RBBP4: variants seen among roughly 807,000 people sequenced by gnomAD.
The protein encoded by RBBP4 is histone-binding protein RBBP4.
RBBP4 carries 3 observed loss-of-function variants against 57.2 expected under a neutral mutation model. That is an observed-to-expected ratio of 0.05 (90% CI 0.02 to 0.14). The LOEUF (loss-of-function observed/expected upper bound fraction) is 0.14. RBBP4 is among the 10% of genes least tolerant of loss of function. RBBP4 has a pLI of 1.00. For missense variants in RBBP4, 107 were observed against 520.6 expected (o/e 0.21, Z 7.73); for synonymous variants, 151 against 171.5 (o/e 0.88, Z 0.93).
rs943987420 is a variant in RBBP4, at chr1:32,681,742, G to A, written c.*2037G>A. The A allele has an allele frequency of 1.3e-6, 2 of 1,583,358 alleles. No homozygotes were observed. Among genetic ancestry groups the A allele is most frequent in the East Asian group, 4.5e-5 (2 of 44,682 alleles). On this transcript the variant is annotated 3_prime_UTR_variant, in exon 12 of 12. Transcript: ENST00000373493. ...TTCCACAGGATGAATTGCTTGCCAA[G>A]TTTCTGGCACTCTTGTCTGGTTGGA...
intron 2 of RBBP4, among the ~76,000 whole-genome samples, chr1:32,653,970 TATC>T (rs1648026687): frequency 6.6e-6 from 1 of 152,090 alleles, no homozygotes; most frequent in Non-Finnish European, 1.5e-5. Context: ...GAAGCTTCTT[TATC>T]ATGACCAGGA....
At chr1:32,675,243 T>G (rs1649049221) in intron 11 of RBBP4, among the ~76,000 whole-genome samples, 1 of 151,252 alleles carries the variant, frequency 6.6e-6, no homozygotes, top group African/African-American at 2.4e-5. Flanking sequence ...TCCATGTTGG[T>G]CAGGCTGGCC....
chr1:32,651,306 C>T lies in RBBP4; in HGVS notation c.-1C>T. 3 of 1,473,682 alleles carry T rather than the reference C, an allele frequency of 2.0e-6. No individual in the cohort carries two copies. Among genetic ancestry groups the T allele is most frequent in the South Asian group, 1.3e-5 (1 of 75,018 alleles). 91.3% of individuals were successfully genotyped at this position (1,473,682 alleles called of 1,614,324 possible). On this transcript the variant is annotated 5_prime_UTR_variant, in exon 1 of 12. Coordinates refer to ENST00000373493, the MANE Select transcript of RBBP4 (RefSeq NM_005610.3). Reference sequence around the variant, plus strand: ...GGATTCCCCCGGCTCGCCTGCCCGCCATGGCCGACAAGGAAGGTGAGGGTG... The same window carrying T: ...GGATTCCCCCGGCTCGCCTGCCCGCTATGGCCGACAAGGAAGGTGAGGGTG...
chr1:32,658,749 T>C (rs987078593), intron 3 of RBBP4, among the ~76,000 whole-genome samples: 5 of 151,904 alleles, frequency 3.3e-5, no homozygotes, highest in Middle Eastern at 3.4e-3. Flanking sequence ...GGTTTCATCA[T>C]GTTGGTCAGG....
At position 32,685,698 on chromosome 1, in the gene RBBP4, G is replaced by C. The variant is rs1192507045; in HGVS notation, c.*5993G>C. 6.6e-6 allele frequency: 1 copy of C among 152,142 alleles called. No homozygotes were observed. Among genetic ancestry groups the C allele is most frequent in the Non-Finnish European group, 1.5e-5 (1 of 68,038 alleles). 9.4% of individuals were successfully genotyped at this position (152,142 alleles called of 1,614,324 possible). A position where few individuals can be genotyped will look rare whatever the true frequency, so the allele number is the denominator to read the frequency against. On this transcript the variant is annotated 3_prime_UTR_variant, in exon 12 of 12. Coordinates refer to ENST00000373493, the MANE Select transcript of RBBP4 (RefSeq NM_005610.3). ...GGAAGCATCTGCATACTGCTGTCCT[G>C]ATTGCTCAGTCCTCACTACCTACCA...
chr1:32,660,880 G>A (rs1005463664), intron 3 of RBBP4, among the ~76,000 whole-genome samples: 3 of 152,106 alleles, frequency 2.0e-5, no homozygotes, highest in Non-Finnish European at 4.4e-5. Flanking sequence ...CACAATCCCC[G>A]CTTACTGCAA....
In RBBP4 at chr1:32,651,269, C is replaced by A; in HGVS notation, c.-38C>A. 2 of 1,505,768 alleles carry A rather than the reference C, an allele frequency of 1.3e-6. No homozygotes were observed. The allele number at this position is 1,505,768 out of a possible 1,614,324, so 93.3% of individuals were successfully genotyped here. A position where few individuals can be genotyped will look rare whatever the true frequency, so the allele number is the denominator to read the frequency against. On this transcript the variant is annotated 5_prime_UTR_variant, in exon 1 of 12. Transcript: ENST00000373493. ...TGCAGCCTCCCCGCCCCTCCCGCAA[C>A]GCTCGACCCCAGGATTCCCCCGGCT... is the stretch of plus-strand genomic sequence containing the variant.
At chr1:32,651,629 G>T in intron 1 of RBBP4, 2 of 823,306 alleles carry the variant, frequency 2.4e-6, no homozygotes, top group Non-Finnish European at 3.6e-6. Flanking sequence ...CACAAGGCTC[G>T]GAGCTCGGGC....
chr1:32,664,576 C>T (rs915867091), intron 3 of RBBP4, among the ~76,000 whole-genome samples: 2 of 152,128 alleles, frequency 1.3e-5, no homozygotes, highest in East Asian at 3.9e-4. Context: ...CCTCAGTCTC[C>T]TGAGCAGCTG....
At position 32,669,170 on chromosome 1, in the gene RBBP4, C is replaced by T; in HGVS notation, c.761+38C>T. The T allele has an allele frequency of 6.2e-7, 1 of 1,612,174 alleles. No homozygotes were observed. Among genetic ancestry groups the T allele is most frequent in the South Asian group, 1.1e-5 (1 of 90,688 alleles). ...CATTCAGAGTTTCTAAATATCTTGT[C>T]TAAGTTTTATGTTTAGTCACCATTT... On this transcript the variant is annotated intron_variant, in intron 6 of 11. Coordinates refer to ENST00000373493, the MANE Select transcript of RBBP4 (RefSeq NM_005610.3). The surrounding 1 kb of genome is among the most constrained non-coding windows in gnomAD (Gnocchi z 4.9).
chr1:32,668,175 C>T (rs1344431434), intron 3 of RBBP4, 50 bp from the exon 4 acceptor site: 16 of 1,539,608 alleles, frequency 1.0e-5, no homozygotes, highest in Non-Finnish European at 1.4e-5. Flanking sequence ...TCTGGGTAAC[C>T]TCTAGAGTAG....
intron 3 of RBBP4, among the ~76,000 whole-genome samples, chr1:32,660,457 C>G (rs1211097118): frequency 1.4e-5 from 2 of 146,782 alleles, no homozygotes; most frequent in Non-Finnish European, 3.0e-5. Flanking sequence ...GGCTCTGTCG[C>G]CCAGGCTGTA....
At position 32,673,560 on chromosome 1, in the gene RBBP4, T is replaced by G. The variant is rs1020724420; in HGVS notation, c.1212+659T>G. On this transcript the variant is annotated intron_variant, in intron 11 of 11. Transcript: ENST00000373493. Reference sequence around the variant, plus strand: ...TCGATCGATTCTCCTGCCTCAGCCTTCTGAGTAGCTGGGACTATAGGTGCG... The same window carrying G: ...TCGATCGATTCTCCTGCCTCAGCCTGCTGAGTAGCTGGGACTATAGGTGCG... 4.2e-5 allele frequency: 16 copies of G among 380,480 alleles called. 1 individual carries two copies. The Admixed American group carries it at 5.5e-4, about 13-fold the overall frequency. The allele number at this position is 380,480 out of a possible 1,614,324, so 23.6% of individuals were successfully genotyped here. A position where few individuals can be genotyped will look rare whatever the true frequency, so the allele number is the denominator to read the frequency against.
At position 32,686,025 on chromosome 1, in the gene RBBP4, A is replaced by G. The variant is rs1007475062; in HGVS notation, c.*6320A>G. On this transcript the variant is annotated 3_prime_UTR_variant, in exon 12 of 12. Transcript: ENST00000373493. ...TTTCCTCTAGCCCTGGACTACTAGT[A>G]CCGAAGTCACTAGTCACATAGGACT... 2.0e-5 allele frequency: 3 copies of G among 152,188 alleles called. No homozygotes were observed. The highest frequency in any genetic ancestry group is 4.4e-5 in the Non-Finnish European group (3 of 68,038). 9.4% of individuals were successfully genotyped at this position (152,188 alleles called of 1,614,324 possible). A position where few individuals can be genotyped will look rare whatever the true frequency, so the allele number is the denominator to read the frequency against.
At chr1:32,676,938 G>T (rs1287638894) in intron 11 of RBBP4, among the ~76,000 whole-genome samples, 1 of 151,790 alleles carries the variant, frequency 6.6e-6, no homozygotes, top group Non-Finnish European at 1.5e-5. Flanking sequence ...GCGAGACCCT[G>T]TCTCAAAAAA....
chr1:32,651,405 G>A lies in RBBP4; in HGVS notation c.16+83G>A, dbSNP rs1024080497. ...TCGACATGGCCTAACAGTGAGGGCA[G>A]GCCCGAGTTTGCCGAGTGCAGTCCC... On this transcript the variant is annotated intron_variant, in intron 1 of 11. Coordinates refer to ENST00000373493, the MANE Select transcript of RBBP4 (RefSeq NM_005610.3). 7 of 1,387,148 alleles carry A rather than the reference G, an allele frequency of 5.0e-6. No homozygotes were observed. In the Admixed American group the frequency reaches 1.1e-4, roughly 22 times the overall value. The allele number at this position is 1,387,148 out of a possible 1,614,324, so 85.9% of individuals were successfully genotyped here. A position where few individuals can be genotyped will look rare whatever the true frequency, so the allele number is the denominator to read the frequency against.
rs191056736 is a variant in RBBP4, at chr1:32,651,291, G to A, written c.-16G>A. The A allele has an allele frequency of 2.7e-6, 4 of 1,482,782 alleles. No homozygotes were observed. The highest frequency in any genetic ancestry group is 2.8e-5 in the East Asian group (1 of 35,872). 91.9% of individuals were successfully genotyped at this position (1,482,782 alleles called of 1,614,324 possible). On this transcript the variant is annotated 5_prime_UTR_variant, in exon 1 of 12. Transcript: ENST00000373493. ...CAACGCTCGACCCCAGGATTCCCCC[G>A]GCTCGCCTGCCCGCCATGGCCGACA...
At chr1:32,660,622 T>C (rs953373051) in intron 3 of RBBP4, among the ~76,000 whole-genome samples, 3 of 151,382 alleles carry the variant, frequency 2.0e-5, no homozygotes, top group East Asian at 1.9e-4. Flanking sequence ...CATGTCACTA[T>C]GTTGCTCAGG....
chr1:32,654,169 TC>T (rs1349113920), intron 2 of RBBP4, among the ~76,000 whole-genome samples: 1 of 151,974 alleles, frequency 6.6e-6, no homozygotes, highest in Non-Finnish European at 1.5e-5. Flanking sequence ...GGCCAGGAGT[TC>T]CAGACCAGCC....
Sources: allele counts gnomAD v4.1 joint callset (sites outside exome capture counted in the v4.1 genomes callset), GRCh38; gene constraint gnomAD v4.1.1; non-coding constraint Gnocchi (gnomAD v3.1); transcripts MANE v1.5; gene names NCBI Gene and HGNC (gene_info 2026-07-23, HGNC 2026-07-21).